The following RAF1 variants were observed in gnomAD, a reference collection of about 807,000 sequenced individuals.
RAF1 encodes Raf-1 proto-oncogene, serine/threonine kinase.
Under a neutral mutation model 81.1 loss-of-function variants are expected in RAF1, and 27 were observed. That is an observed-to-expected ratio of 0.33 (90% CI 0.25 to 0.46). RAF1 has a LOEUF of 0.46. Ranked by LOEUF, RAF1 falls within the 20% of genes least tolerant of loss-of-function variation. The probability of loss-of-function intolerance (pLI) is 1.00; values close to 1 mark genes in which losing one functional copy is unlikely to be tolerated. For synonymous variants in RAF1, 298 were observed against 294.0 expected (o/e 1.01, Z -0.14); for missense variants, 598 against 826.0 (o/e 0.72, Z 3.38).
chr3:12,618,486 T>C, intron 2 of RAF1, 29 bp downstream of exon 2: 3 of 1,611,722 alleles, frequency 1.9e-6, no homozygotes, highest in Non-Finnish European at 2.5e-6. Context: ...GATAAATAGC[T>C]AAATTTCCTA....
At chr3:12,630,680 C>G (rs571100269) in intron 1 of RAF1, among the ~76,000 whole-genome samples, 1 of 152,218 alleles carries the variant, frequency 6.6e-6, no homozygotes, top group South Asian at 2.1e-4. Context: ...TGTAGGGGAG[C>G]AGGGACAATG....
intron 5 of RAF1, chr3:12,608,556 G>C (rs2125415623): frequency 1.7e-6 from 1 of 601,442 alleles, no homozygotes; most frequent in South Asian, 1.9e-5. Context: ...CAGATAACAA[G>C]TCCTACTCCT....
chr3:12,662,699 T>C (rs2060917556), intron 1 of RAF1, among the ~76,000 whole-genome samples: 1 of 152,014 alleles, frequency 6.6e-6, no homozygotes, highest in Non-Finnish European at 1.5e-5. Flanking sequence ...CCTGAGCTCC[T>C]CCTCACCCGA....
chr3:12,659,819 G>C (rs2060819049), intron 1 of RAF1, among the ~76,000 whole-genome samples: 1 of 152,142 alleles, frequency 6.6e-6, no homozygotes, highest in East Asian at 1.9e-4. Flanking sequence ...ATTAAGGCAT[G>C]CTGTTTGGCT....
chr3:12,662,718 T>G (rs1003981748), intron 1 of RAF1, among the ~76,000 whole-genome samples: 6 of 152,118 alleles, frequency 3.9e-5, no homozygotes, highest in African/African-American at 1.4e-4. Flanking sequence ...GATGAGCACT[T>G]ACTCACAGGT....
rs533270020 is a variant in RAF1, at chr3:12,624,843, G to A, written c.-26-6096C>T. Reference sequence around the variant, plus strand: ...GGAGGCTGCAGTGAGCCGAGATTGCGCCACTGCACTCCAGCCTGAGCAACA... The same window carrying A: ...GGAGGCTGCAGTGAGCCGAGATTGCACCACTGCACTCCAGCCTGAGCAACA... On this transcript the variant is annotated intron_variant, in intron 1 of 17. Coordinates refer to ENST00000442415, the MANE Select transcript of RAF1 (RefSeq NM_001354689.3). Among the ~76,000 whole-genome samples, 3 of 139,702 alleles carry A rather than the reference G, an allele frequency of 2.1e-5. No homozygotes were observed. The South Asian group carries it at 6.5e-4, about 30-fold the overall frequency. The allele number at this position is 139,702 out of a possible 152,430, so 91.6% of individuals were successfully genotyped here.
At chr3:12,640,278 T>C (rs1209667410) in intron 1 of RAF1, among the ~76,000 whole-genome samples, 7 of 152,058 alleles carry the variant, frequency 4.6e-5, no homozygotes, top group Admixed American at 4.6e-4. Context: ...CAAGAAAACC[T>C]AGGCAATACC....
chr3:12,592,257 A>C (rs919055702), intron 11 of RAF1, among the ~76,000 whole-genome samples: 1 of 152,220 alleles, frequency 6.6e-6, no homozygotes, highest in Non-Finnish European at 1.5e-5. Flanking sequence ...TGGCAAATAC[A>C]GAATGACTGG....
At chr3:12,660,159 A>G (rs2060830029) in intron 1 of RAF1, among the ~76,000 whole-genome samples, 1 of 151,716 alleles carries the variant, frequency 6.6e-6, no homozygotes, top group Non-Finnish European at 1.5e-5. Flanking sequence ...GAGCAACTGT[A>G]ATATAATACT....
intron 1 of RAF1, among the ~76,000 whole-genome samples, chr3:12,619,028 G>A (rs1261219935): frequency 8.9e-5 from 13 of 145,996 alleles, no homozygotes; most frequent in African/African-American, 3.0e-4. Context: ...GGTGCATCAC[G>A]AGGTCAGGAG....
intron 1 of RAF1, among the ~76,000 whole-genome samples, chr3:12,624,637 T>G (rs1253061257): frequency 1.3e-5 from 2 of 151,848 alleles, no homozygotes; most frequent in Admixed American, 1.3e-4. Context: ...CACAGATAAG[T>G]TCTAAAATCA....
chr3:12,628,308 A>G (rs1228550861), intron 1 of RAF1, among the ~76,000 whole-genome samples: 1 of 152,060 alleles, frequency 6.6e-6, no homozygotes, highest in Non-Finnish European at 1.5e-5. Context: ...AGGTAGGAAG[A>G]TCACTTAAGC....
intron 6 of RAF1, among the ~76,000 whole-genome samples, chr3:12,605,250 ATGTGTGTGTGTGTGTGTGTG>A (rs139616156): frequency 6.9e-6 from 1 of 144,538 alleles, no homozygotes; most frequent in Non-Finnish European, 1.5e-5. Flanking sequence ...ATTACACATT[ATGTGTGTGTGTGTGTGTGTG>A]TGTGTGTGTG....
At chr3:12,652,729 C>G (rs944431434) in intron 1 of RAF1, among the ~76,000 whole-genome samples, 1 of 151,890 alleles carries the variant, frequency 6.6e-6, no homozygotes, top group African/African-American at 2.4e-5. Context: ...GGGTGGATCA[C>G]TTGAGGTCAG....
At chr3:12,605,242 T>A (rs1359352326) in intron 6 of RAF1, among the ~76,000 whole-genome samples, 1 of 116,554 alleles carries the variant, frequency 8.6e-6, no homozygotes, top group South Asian at 2.3e-4. Context: ...ATTATCTGAT[T>A]ACACATTATG....
intron 6 of RAF1, among the ~76,000 whole-genome samples, chr3:12,604,983 C>A (rs889494775): frequency 2.6e-5 from 4 of 152,146 alleles, no homozygotes; most frequent in African/African-American, 7.2e-5. Flanking sequence ...GGGAAAAAGG[C>A]CAGCTTTTCT....
chr3:12,628,751 TGGGG>T (rs35539372), intron 1 of RAF1, among the ~76,000 whole-genome samples: 1 of 82,126 alleles, frequency 1.2e-5, no homozygotes, highest in Non-Finnish European at 2.5e-5. Flanking sequence ...AGACTATTTT[TGGGG>T]GGGGGGGGTG....
At chr3:12,662,588 C>T (rs1216604835) in intron 1 of RAF1, among the ~76,000 whole-genome samples, 2 of 151,740 alleles carry the variant, frequency 1.3e-5, no homozygotes, top group Non-Finnish European at 2.9e-5. Flanking sequence ...TTTTATTTTA[C>T]TCTCATCTCT....
chr3:12,612,333 GAAT>G (rs1238441357), intron 2 of RAF1, among the ~76,000 whole-genome samples: 1 of 152,078 alleles, frequency 6.6e-6, no homozygotes, highest in East Asian at 1.9e-4. Flanking sequence ...ATATCCTTCA[GAAT>G]AATAGAGTAA....
Sources: allele counts gnomAD v4.1 joint callset (sites outside exome capture counted in the v4.1 genomes callset), GRCh38; gene constraint gnomAD v4.1.1; transcripts MANE v1.5; gene names NCBI Gene and HGNC (gene_info 2026-07-23, HGNC 2026-07-21).